The following ZNF207 variants were observed in gnomAD, a reference collection of about 807,000 sequenced individuals.
The protein encoded by ZNF207 is BUB3-interacting and GLEBS motif-containing protein ZNF207.
ZNF207 carries 24 observed loss-of-function variants against 60.2 expected under a neutral mutation model. The observed-to-expected ratio is 0.40, with a 90% confidence interval of 0.29 to 0.56. ZNF207 has a LOEUF of 0.56. Among genes scored for constraint, ZNF207 ranks in the 20% least tolerant of loss-of-function variants. ZNF207 has a pLI of 0.49. For missense variants in ZNF207, 452 were observed against 636.6 expected, an observed-to-expected ratio of 0.71 and a Z score of 3.12; for synonymous variants, 236 against 194.7, an observed-to-expected ratio of 1.21 and a Z score of -1.77.
At chr17:32,363,512 T>TA (rs1233885622) in intron 7 of ZNF207, among the ~76,000 whole-genome samples, 1 of 142,776 alleles carries the variant, frequency 7.0e-6, no homozygotes, top group East Asian at 2.0e-4. Context: ...AGACAAGTAA[T>TA]AGAGAAATCC....
chr17:32,368,100 A>T, intron 10 of ZNF207, 86 bp downstream of exon 10: 8 of 1,551,626 alleles, frequency 5.2e-6, no homozygotes, highest in Non-Finnish European at 7.0e-6. Flanking sequence ...GTTCATTTGT[A>T]CTCAGATGGT....
intron 7 of ZNF207, among the ~76,000 whole-genome samples, chr17:32,364,172 C>A (rs1212938199): frequency 6.6e-6 from 1 of 151,576 alleles, no homozygotes; most frequent in Non-Finnish European, 1.5e-5. Flanking sequence ...ACCTGGCCTC[C>A]TTTTTCTTCT....
intron 2 of ZNF207, 35 bp downstream of exon 2, chr17:32,351,947 G>A: frequency 6.7e-7 from 1 of 1,486,800 alleles, no homozygotes; most frequent in Admixed American, 2.4e-5. Flanking sequence ...TTGTCCGCTT[G>A]TGATTTGGAA....
At chr17:32,350,782 T>G (rs1247779299) in intron 1 of ZNF207, 1 of 154,180 alleles carries the variant, frequency 6.5e-6, no homozygotes, top group South Asian at 2.0e-4. Flanking sequence ...TTTGTGTTTA[T>G]TTTTTCGAAT....
At chr17:32,362,131 A>AGT (rs57093226) in intron 6 of ZNF207, among the ~76,000 whole-genome samples, 3,665 of 145,958 alleles carry the variant, frequency 0.025, 67 homozygotes, top group South Asian at 0.093. Flanking sequence ...AAAAAAAAAA[A>AGT]GTGTGTGTGT....
chr17:32,365,423 C>T lies in ZNF207; in HGVS notation c.764C>T (p.Pro255Leu), dbSNP rs1597786180. ...GGTATTCTTAATAGACCACCTGCAC[C>T]AACAGCAACTGTACCTGCCCCACAG... Reference protein sequence around the residue: ...APGILNRPPAPTATVPAPQPP... With the variant: ...APGILNRPPALTATVPAPQPP... Residue 255 changes from proline (P) to leucine (L), a missense_variant, in exon 8 of 12, where the codon CCA becomes CTA. Around this residue, in one of 2 missense-constraint regions of ZNF207, gnomAD observed 390 missense variants for 461.4 expected, o/e 0.85. Transcript: ENST00000394670. The T allele has an allele frequency of 6.2e-7, 1 of 1,614,102 alleles. No individual in the cohort carries two copies. Among genetic ancestry groups the T allele is most frequent in the African/African-American group, 1.3e-5 (1 of 75,022 alleles).
At position 32,360,655 on chromosome 17, in the gene ZNF207, C is replaced by T; in HGVS notation, c.365C>T (p.Ala122Val). 6.2e-7 allele frequency: 1 copy of T among 1,613,964 alleles called. No individual in the cohort carries two copies. The highest frequency in any genetic ancestry group is 8.5e-7 in the Non-Finnish European group (1 of 1,180,000). The change falls in exon 4 of 12, where the codon GCA (alanine) becomes GTA (valine). Residue 122 changes from alanine (A) to valine (V), a missense_variant. Coordinates refer to ENST00000394670, the MANE Select transcript of ZNF207 (RefSeq NM_001098507.2). Reference sequence around the variant, plus strand: ...GATGAATATGATGATGACGACTCTGCAGCCTCAACTTCATTTCAGCCACAG... The same window carrying T: ...GATGAATATGATGATGACGACTCTGTAGCCTCAACTTCATTTCAGCCACAG... ...DSDEYDDDDSAASTSFQPQPV... is the reference protein window; with the variant it reads ...DSDEYDDDDSVASTSFQPQPV...
chr17:32,361,490 A>T lies in ZNF207; in HGVS notation c.574A>T (p.Thr192Ser). The T allele has an allele frequency of 6.2e-7, 1 of 1,608,594 alleles. No homozygotes were observed. The highest frequency in any genetic ancestry group is 1.7e-4 in the Middle Eastern group (1 of 6,046). The part of the protein sequence containing the change: ...PPGLHHQRKY[T>S]QSFCGENIMM... ...CAGATTGCATCATCAGAGAAAATAC[A>T]CCCAGTCATTTTGCGGTGAAAACAT... Residue 192 changes from threonine to serine, a missense_variant, in exon 6 of 12, where the codon ACC becomes TCC. By Grantham distance (58) the Thr-to-Ser change is moderately conservative. Coordinates refer to ENST00000394670, the MANE Select transcript of ZNF207 (RefSeq NM_001098507.2).
rs1459851111 is a variant in ZNF207 at position 32,381,749 on chromosome 17, A to G, written c.*11990A>G. ...TGAAGTTATTTTTTAGTTTGTTTTCATCTAAAAGTGGAAAGATTTTTGCTT... is the reference window on the plus strand; with the variant it reads ...TGAAGTTATTTTTTAGTTTGTTTTCGTCTAAAAGTGGAAAGATTTTTGCTT... On this transcript the variant is annotated 3_prime_UTR_variant, in exon 12 of 12. Coordinates refer to ENST00000394670, the MANE Select transcript of ZNF207 (RefSeq NM_001098507.2). 1 of 152,164 alleles carries G rather than the reference A, an allele frequency of 6.6e-6. No individual in the cohort carries two copies. Among genetic ancestry groups the G allele is most frequent in the South Asian group, 2.1e-4 (1 of 4,836 alleles). 9.4% of individuals were successfully genotyped at this position (152,164 alleles called of 1,614,324 possible).
At chr17:32,365,178 G>C in intron 7 of ZNF207, 152 bp from the exon 8 acceptor site, 1 of 797,940 alleles carries the variant, frequency 1.3e-6, no homozygotes, top group Non-Finnish European at 1.9e-6. Context: ...AAAATTTAAG[G>C]TAAGAATGTT....
In ZNF207 at chr17:32,350,300, G is replaced by A; in HGVS notation, c.15G>A (p.Lys5=). 2 of 1,614,172 alleles carry A rather than the reference G, an allele frequency of 1.2e-6. No individual in the cohort carries two copies. Among genetic ancestry groups the A allele is most frequent in the East Asian group, 2.2e-5 (1 of 44,888 alleles). Residue 5 remains lysine, a synonymous_variant, in exon 1 of 12, where the codon AAG becomes AAA. Coordinates refer to ENST00000394670, the MANE Select transcript of ZNF207 (RefSeq NM_001098507.2). MGRK[K]KKQLKPWCWY... is the part of the protein sequence containing the mutation. ...AGAACACAGTTATGGGTCGCAAGAA[G>A]AAGAAGCAGCTGAAGCCGTGGTGCT...
chr17:32,357,333 A>ATT (rs1313202545), intron 2 of ZNF207, among the ~76,000 whole-genome samples: 1 of 89,158 alleles, frequency 1.1e-5, no homozygotes, highest in African/African-American at 4.6e-5. Flanking sequence ...TATTATTATT[A>ATT]TTATTATTAT....
chr17:32,354,963 T>G (rs1284099778), intron 2 of ZNF207, among the ~76,000 whole-genome samples: 1 of 152,134 alleles, frequency 6.6e-6, no homozygotes, highest in Admixed American at 6.6e-5. Context: ...GAAAGTAAAG[T>G]GCAGAGTACG....
At position 32,372,211 on chromosome 17, in the gene ZNF207, A is replaced by C. The variant is rs1009643002; in HGVS notation, c.*2452A>C. On this transcript the variant is annotated 3_prime_UTR_variant, in exon 12 of 12. Coordinates refer to ENST00000394670, the MANE Select transcript of ZNF207 (RefSeq NM_001098507.2). Reference sequence around the variant, plus strand: ...ACTACTCTGGAGACCGAGGCAGGAGAATGGCGTGAACCCGGGAGGCATAGC... The same window carrying C: ...ACTACTCTGGAGACCGAGGCAGGAGCATGGCGTGAACCCGGGAGGCATAGC... 6.6e-6 allele frequency: 1 copy of C among 152,214 alleles called. No individual in the cohort carries two copies. The highest frequency in any genetic ancestry group is 2.4e-5 in the African/African-American group (1 of 41,426). The allele number at this position is 152,214 out of a possible 1,614,324, so 9.4% of individuals were successfully genotyped here.
At position 32,361,505 on chromosome 17, in the gene ZNF207, G is replaced by A. The variant is rs748156120; in HGVS notation, c.589G>A (p.Gly197Ser). 1.9e-6 allele frequency: 3 copies of A among 1,606,498 alleles called. No individual in the cohort carries two copies. Among genetic ancestry groups the A allele is most frequent in the Admixed American group, 1.7e-5 (1 of 59,108 alleles). The change falls in exon 6 of 12, where the codon GGT becomes AGT. Residue 197 changes from glycine (G) to serine (S), a missense_variant. Coordinates refer to ENST00000394670, the MANE Select transcript of ZNF207 (RefSeq NM_001098507.2). ...GAGAAAATACACCCAGTCATTTTGC[G>A]GTGAAAACATGTAAGCATCTCATTC... Reference protein sequence around the residue: ...HQRKYTQSFCGENIMMPMGGM... With the variant: ...HQRKYTQSFCSENIMMPMGGM...
intron 3 of ZNF207, 35 bp downstream of exon 3, chr17:32,358,676 A>G: frequency 7.5e-7 from 1 of 1,332,316 alleles, no homozygotes; most frequent in Non-Finnish European, 9.7e-7. Context: ...TTATTTATTT[A>G]TTTTTTTTAA....
intron 5 of ZNF207, chr17:32,361,168 A>G: frequency 1.6e-6 from 1 of 635,498 alleles, no homozygotes; most frequent in South Asian, 2.1e-5. Context: ...TTTGGGTTTT[A>G]GGGTATATGT....
chr17:32,361,748 T>C (rs1341775471), intron 6 of ZNF207, among the ~76,000 whole-genome samples: 3 of 152,210 alleles, frequency 2.0e-5, no homozygotes, highest in African/African-American at 7.2e-5. Flanking sequence ...TTCTCCAAAC[T>C]ATTGAAAGTA....
chr17:32,358,429 T>A, intron 2 of ZNF207, 74 bp from the exon 3 acceptor site: 1 of 1,419,452 alleles, frequency 7.0e-7, no homozygotes, highest in Non-Finnish European at 9.4e-7. Context: ...TTATTCTTTA[T>A]ACTAAGCAGT....
Sources: allele counts gnomAD v4.1 joint callset (sites outside exome capture counted in the v4.1 genomes callset), GRCh38; gene constraint gnomAD v4.1.1; regional missense constraint gnomAD v4.1.1; transcripts MANE v1.5; gene names NCBI Gene and HGNC (gene_info 2026-07-23, HGNC 2026-07-21).